RBFOX1: variants seen among roughly 807,000 people sequenced by gnomAD.
RBFOX1 encodes RNA binding protein fox-1 homolog 1.
In RBFOX1, 8 loss-of-function variants were observed where a neutral mutation model predicts 57.7. The ratio of observed to expected loss-of-function variants is 0.14; its 90% CI spans 0.08 to 0.25. RBFOX1 has a LOEUF of 0.25. Among genes scored for constraint, RBFOX1 ranks in the 10% least tolerant of loss-of-function variants. RBFOX1 has a pLI of 1.00. For synonymous variants in RBFOX1, 326 were observed against 222.4 expected, an observed-to-expected ratio of 1.47 and a Z score of -4.15; for missense variants, 611 against 548.5, an observed-to-expected ratio of 1.11 and a Z score of -1.14.
At chr16:6,584,494 A>G (rs1322406165) in intron 2 of RBFOX1, among the ~76,000 whole-genome samples, 2 of 151,520 alleles carry the variant, frequency 1.3e-5, no homozygotes, top group Non-Finnish European at 2.9e-5. Flanking sequence ...TAGCCTCCCA[A>G]GTTGCTGGGA....
intron 3 of RBFOX1, among the ~76,000 whole-genome samples, chr16:6,906,739 T>TTTG (rs1167213773): frequency 3.3e-4 from 50 of 151,734 alleles, no homozygotes; most frequent in African/African-American, 1.1e-3. Flanking sequence ...TTTTTTTTTT[T>TTTG]TGAGACAGAG....
intron 2 of RBFOX1, among the ~76,000 whole-genome samples, chr16:5,567,844 C>A (rs2046129169): frequency 6.6e-6 from 1 of 152,082 alleles, no homozygotes; most frequent in Non-Finnish European, 1.5e-5. Context: ...CGTTAATCCC[C>A]ACGACTTTCT....
At chr16:5,903,421 G>C (rs1226527157) in intron 4 of RBFOX1, among the ~76,000 whole-genome samples, 2 of 152,132 alleles carry the variant, frequency 1.3e-5, no homozygotes, top group African/African-American at 2.4e-5. Context: ...CGGCTGGGCA[G>C]ATCCCTGTTT....
At chr16:6,509,238 A>C (rs1273185081) in intron 2 of RBFOX1, among the ~76,000 whole-genome samples, 1 of 152,142 alleles carries the variant, frequency 6.6e-6, no homozygotes, top group Non-Finnish European at 1.5e-5. Flanking sequence ...AAAATGGAGG[A>C]ATTTTTTTCC....
chr16:6,987,823 C>G (rs1018137748), intron 3 of RBFOX1, among the ~76,000 whole-genome samples: 18 of 152,034 alleles, frequency 1.2e-4, no homozygotes, highest in African/African-American at 4.3e-4. Context: ...CGTGGAGTGA[C>G]AGAAGAGATT....
chr16:5,974,131 C>A (rs999730970), intron 4 of RBFOX1, among the ~76,000 whole-genome samples: 2 of 152,124 alleles, frequency 1.3e-5, no homozygotes, highest in Admixed American at 6.6e-5. Context: ...CATTCTTAAC[C>A]ATTGTTCTCT....
chr16:7,108,926 A>G (rs982400672), intron 4 of RBFOX1, among the ~76,000 whole-genome samples: 2 of 152,168 alleles, frequency 1.3e-5, no homozygotes, highest in African/African-American at 2.4e-5. Flanking sequence ...CTGACATTCA[A>G]CAAACTCAGA....
intron 2 of RBFOX1, among the ~76,000 whole-genome samples, chr16:5,536,819 G>A (rs143530941): frequency 6.6e-6 from 1 of 151,680 alleles, no homozygotes; most frequent in African/African-American, 2.4e-5. Context: ...AGGAAGGGGG[G>A]AGTTGGTCAA....
chr16:6,855,910 T>G (rs908321843), intron 3 of RBFOX1, among the ~76,000 whole-genome samples: 2 of 148,796 alleles, frequency 1.3e-5, no homozygotes, highest in Admixed American at 1.3e-4. Flanking sequence ...CTCCCTTCTT[T>G]CCTTCTTTCT....
At chr16:6,576,476 C>T (rs983151493) in intron 2 of RBFOX1, among the ~76,000 whole-genome samples, 5 of 152,162 alleles carry the variant, frequency 3.3e-5, no homozygotes, top group African/African-American at 1.2e-4. Context: ...CGAAGACCTG[C>T]TGTACTCTGA....
At chr16:7,573,971 G>T (rs2093055430) in intron 5 of RBFOX1, among the ~76,000 whole-genome samples, 1 of 152,070 alleles carries the variant, frequency 6.6e-6, no homozygotes, top group Non-Finnish European at 1.5e-5. Context: ...ATTCTAGATG[G>T]TTTGTCCTAT....
chr16:7,219,771 C>T (rs562655158), intron 4 of RBFOX1, among the ~76,000 whole-genome samples: 28 of 152,246 alleles, frequency 1.8e-4, no homozygotes, highest in South Asian at 8.3e-4. Flanking sequence ...AAAAGCCAGA[C>T]GGATAATTTA....
At chr16:5,698,285 A>G (rs1346932016) in intron 3 of RBFOX1, among the ~76,000 whole-genome samples, 8 of 152,166 alleles carry the variant, frequency 5.3e-5, no homozygotes, top group Non-Finnish European at 5.9e-5. Flanking sequence ...ACTGAAAAAA[A>G]TTATATAAGG....
At chr16:6,198,077 T>C (rs1043000919) in intron 1 of RBFOX1, among the ~76,000 whole-genome samples, 2 of 152,308 alleles carry the variant, frequency 1.3e-5, no homozygotes, top group South Asian at 2.1e-4. Context: ...GCAGATAATT[T>C]AACTTGTCTA....
At position 5,622,380 on chromosome 16, in the gene RBFOX1, G is replaced by T. The variant is rs541304579; in HGVS notation, c.318+23419G>T. On this transcript the variant is annotated intron_variant, in intron 3 of 19. Transcript: ENST00000641259. Reference sequence around the variant, plus strand: ...TTTCCACCAGAATGTAGGTTCCATGGGGTAAGGAGTCTTGTGCACTGCCCT... The same window carrying T: ...TTTCCACCAGAATGTAGGTTCCATGTGGTAAGGAGTCTTGTGCACTGCCCT... Among the ~76,000 whole-genome samples the T allele has an allele frequency of 3.4e-4, 52 of 152,304 alleles. 1 individual carries two copies. The South Asian group carries it at 8.7e-3, about 26-fold the overall frequency.
intron 1 of RBFOX1, among the ~76,000 whole-genome samples, chr16:5,396,697 C>T: frequency 6.6e-6 from 1 of 152,116 alleles, no homozygotes; most frequent in East Asian, 1.9e-4. Context: ...AGACCCCTCC[C>T]TACCTTATCA....
intron 1 of RBFOX1, among the ~76,000 whole-genome samples, chr16:5,463,540 C>T (rs912323356): frequency 2.0e-5 from 3 of 152,106 alleles, no homozygotes; most frequent in Non-Finnish European, 2.9e-5. Flanking sequence ...TGGGTCGTGT[C>T]TGTAATTCCA....
Position 5,354,665 on chromosome 16 carries a change from T to C in RBFOX1, c.220-112551T>C, listed in dbSNP as rs74442035. Among the ~76,000 whole-genome samples, 1,174 of 152,362 alleles carry C rather than the reference T, an allele frequency of 7.7e-3. 10 individuals are homozygous for C. Among genetic ancestry groups the C allele is most frequent in the African/African-American group, 0.027 (1,118 of 41,586 alleles). ...CAGCTCCTTTATTCCAACCCTCTCT[T>C]TGTGTAGGGCAGCTCTTTTCTTTCT... is the stretch of plus-strand genomic sequence containing the variant. On this transcript the variant is annotated intron_variant, in intron 1 of 2. Coordinates refer to the RBFOX1 transcript ENST00000585867.
intron 4 of RBFOX1, among the ~76,000 whole-genome samples, chr16:6,011,900 A>C (rs949340235): frequency 6.6e-6 from 1 of 152,164 alleles, no homozygotes; most frequent in Non-Finnish European, 1.5e-5. Flanking sequence ...TGGCTGGAAC[A>C]CTCAGCCCAA....
Sources: gnomAD v4.1 joint callset for allele counts (sites outside exome capture counted in the v4.1 genomes callset) on GRCh38, gnomAD v4.1.1 for gene constraint, MANE v1.5 for transcripts, NCBI Gene and HGNC (gene_info 2026-07-23, HGNC 2026-07-21) for gene names.